The following CDIP1 variants were observed in gnomAD, a reference collection of about 807,000 sequenced individuals.
The protein encoded by CDIP1 is cell death inducing p53 target 1, also known as cell death-inducing p53-target protein 1.
Under a neutral mutation model 17.7 loss-of-function variants are expected in CDIP1, and 9 were observed. The ratio of observed to expected loss-of-function variants is 0.51; its 90% CI spans 0.31 to 0.89. The LOEUF is 0.89. CDIP1 is among the 40% of genes least tolerant of loss of function. The probability of loss-of-function intolerance (pLI) is 0.05; values close to 1 mark genes in which losing one functional copy is unlikely to be tolerated. For synonymous variants in CDIP1, 117 were observed against 109.5 expected (o/e 1.07, Z -0.43); for missense variants, 263 against 277.9 (o/e 0.95, Z 0.38).
At chr16:4,517,023 C>T (rs1277362916) in intron 1 of CDIP1, among the ~76,000 whole-genome samples, 1 of 152,126 alleles carries the variant, frequency 6.6e-6, no homozygotes, top group African/African-American at 2.4e-5. Context: ...TGACCAAACC[C>T]TATTAAGACA....
Position 4,513,899 on chromosome 16 carries a change from C to T in CDIP1, c.86-48G>A, listed in dbSNP as rs145183689. On this transcript the variant is annotated intron_variant, in intron 3 of 5. Transcript: ENST00000567695. The surrounding 1 kb of genome is among the most constrained non-coding windows in gnomAD (Gnocchi z 4.1). ...AGGAGACTGAGCTGGAGCCTCTGCACGATGAGCTCGACCAGAGGCCACTGT... is the reference window on the plus strand; with the variant it reads ...AGGAGACTGAGCTGGAGCCTCTGCATGATGAGCTCGACCAGAGGCCACTGT... 495 of 1,504,362 alleles carry T rather than the reference C, an allele frequency of 3.3e-4. 5 individuals carry two copies. The African/African-American group carries it at 5.9e-3, about 18-fold the overall frequency. 93.2% of individuals were successfully genotyped at this position (1,504,362 alleles called of 1,614,324 possible).
At position 4,513,828 on chromosome 16, in the gene CDIP1, G is replaced by C. The variant is rs1387620364; in HGVS notation, c.109C>G (p.Gln37Glu). 6.3e-7 allele frequency: 1 copy of C among 1,589,320 alleles called. No homozygotes were observed. Among genetic ancestry groups the C allele is most frequent in the East Asian group, 2.2e-5 (1 of 44,498 alleles). The stretch of plus-strand genomic sequence containing the variant: ...GGCAGTGGCATGCCTGGAGGGGGCT[G>C]CATCACAGCTGGGGAGGAACGGCCT... ...TPGRSSPAVM[Q>E]PPPGMPLPPA... Residue 37 changes from glutamine to glutamate, a missense_variant, in exon 4 of 6, where the codon CAG becomes GAG. Physicochemically the swap from Gln to Glu is conservative, Grantham distance 29 (BLOSUM62 2). Coordinates refer to ENST00000567695, the MANE Select transcript of CDIP1 (RefSeq NM_013399.3). This position sits in a 1 kb window ranked among gnomAD's most constrained non-coding sequence, Gnocchi z 4.1.
In CDIP1 at chr16:4,512,990, G is replaced by T. The variant is rs200612143; in HGVS notation, c.316C>A (p.Pro106Thr). 18 of 1,590,214 alleles carry T rather than the reference G, an allele frequency of 1.1e-5. No homozygotes were observed. The highest frequency in any genetic ancestry group is 2.7e-5 in the African/African-American group (2 of 74,884). The change falls in exon 5 of 6, where the codon CCT becomes ACT. Residue 106 changes from proline (P) to threonine (T), a missense_variant. By Grantham distance (38) the Pro-to-Thr change is conservative. Coordinates refer to ENST00000567695, the MANE Select transcript of CDIP1 (RefSeq NM_013399.3). This position sits in a 1 kb window ranked among gnomAD's most constrained non-coding sequence, Gnocchi z 4.6. ...GTGGCTGTGTGGCCCCCAGGGCCAG[G>T]GTAGGGCCCTGGCGTGTAGGGCCCT... ...PPGPYTPGPY[P>T]GPGGHTATVL... is the part of the protein sequence containing the mutation.
In CDIP1 at chr16:4,511,953, G is replaced by A. The variant is rs2058834586; in HGVS notation, c.*619C>T. 6.5e-6 allele frequency: 1 copy of A among 154,602 alleles called. No homozygotes were observed. The allele number at this position is 154,602 out of a possible 1,614,324, so 9.6% of individuals were successfully genotyped here. A position where few individuals can be genotyped will look rare whatever the true frequency, so the allele number is the denominator to read the frequency against. ...GACACCAGGCAGCTCTCGGGCACTG[G>A]GACAGGGTATTAGACATCCTGGGCT... On this transcript the variant is annotated 3_prime_UTR_variant, in exon 6 of 6. Coordinates refer to ENST00000567695, the MANE Select transcript of CDIP1 (RefSeq NM_013399.3).
intron 1 of CDIP1, 185 bp downstream of exon 1, chr16:4,538,517 C>T (rs1448888560): frequency 2.0e-5 from 3 of 152,142 alleles, no homozygotes; most frequent in Non-Finnish European, 2.9e-5. Flanking sequence ...CACCACAACC[C>T]GCTCTGAGAG....
Position 4,514,420 on chromosome 16 carries a change from G to A in CDIP1, c.-15+155C>T, listed in dbSNP as rs1043831942. 2.6e-5 allele frequency among the ~76,000 whole-genome samples: 4 copies of A among 152,196 alleles called. No individual in the cohort carries two copies. Among genetic ancestry groups the A allele is most frequent in the African/African-American group, 9.7e-5 (4 of 41,438 alleles). On this transcript the variant is annotated intron_variant, in intron 2 of 5. Transcript: ENST00000567695. This position sits in a 1 kb window ranked among gnomAD's most constrained non-coding sequence, Gnocchi z 5.2. ...GCCCAGTGAGGTAAAGTCCCCCAAG[G>A]AGCCTAACTCAGCACTTGCCCCACA...
At chr16:4,537,853 C>G (rs1031545830) in intron 1 of CDIP1, among the ~76,000 whole-genome samples, 1 of 152,230 alleles carries the variant, frequency 6.6e-6, no homozygotes, top group African/African-American at 2.4e-5. Context: ...CCAAGGTCCT[C>G]GAAGGCGCGA....
At chr16:4,532,077 T>C (rs1288339500) in intron 1 of CDIP1, 1 of 152,212 alleles carries the variant, frequency 6.6e-6, no homozygotes, top group African/African-American at 2.4e-5. Flanking sequence ...TAGTTGACTT[T>C]AGAACCTAAC....
intron 1 of CDIP1, among the ~76,000 whole-genome samples, chr16:4,521,606 T>G (rs1386669842): frequency 6.6e-6 from 1 of 150,608 alleles, no homozygotes; most frequent in Non-Finnish European, 1.5e-5. Context: ...CTCAGGCCTG[T>G]AATTCCAGCA....
chr16:4,514,184 C>G lies in CDIP1; in HGVS notation c.-14-40G>C, dbSNP rs996802723. 2 of 1,204,668 alleles carry G rather than the reference C, an allele frequency of 1.7e-6. No homozygotes were observed. The highest frequency in any genetic ancestry group is 2.3e-6 in the Non-Finnish European group (2 of 868,994). The allele number at this position is 1,204,668 out of a possible 1,614,324, so 74.6% of individuals were successfully genotyped here. ...AAAACCCAGACATGAACTAAGCTCC[C>G]AGCCAGGTTCCTTCTCCTTCAGCCC... On this transcript the variant is annotated intron_variant, in intron 2 of 5. Transcript: ENST00000567695. This position sits in a 1 kb window ranked among gnomAD's most constrained non-coding sequence, Gnocchi z 5.2.
chr16:4,511,056 G>A lies in CDIP1; in HGVS notation c.*1516C>T, dbSNP rs2058822584. On this transcript the variant is annotated 3_prime_UTR_variant, in exon 6 of 6. Transcript: ENST00000567695. ...ATGGTTGAAACCAGCATCAGAGGAA[G>A]GAAGGTGACCTTACAGCCACTGCCG... 6.6e-6 allele frequency: 1 copy of A among 152,280 alleles called. No homozygotes were observed. The highest frequency in any genetic ancestry group is 6.5e-5 in the Admixed American group (1 of 15,276). 9.4% of individuals were successfully genotyped at this position (152,280 alleles called of 1,614,324 possible).
Position 4,513,977 on chromosome 16 carries a change from A to ATT in CDIP1, c.85+68_85+69insAA, listed in dbSNP as rs1348901308. On this transcript the variant is annotated intron_variant, in intron 3 of 5. Transcript: ENST00000567695. The surrounding 1 kb of genome is among the most constrained non-coding windows in gnomAD (Gnocchi z 4.1). ...AACCCTGGAGTGGGCATCACCACTT[A>ATT]GAGAGTCCCAACCATGCCATGGCGG... The ATT allele has an allele frequency of 2.3e-6, 3 of 1,332,682 alleles. No homozygotes were observed. Among genetic ancestry groups the ATT allele is most frequent in the Admixed American group, 5.1e-5 (2 of 39,128 alleles). The allele number at this position is 1,332,682 out of a possible 1,614,324, so 82.6% of individuals were successfully genotyped here. A position where few individuals can be genotyped will look rare whatever the true frequency, so the allele number is the denominator to read the frequency against.
intron 1 of CDIP1, among the ~76,000 whole-genome samples, chr16:4,533,868 T>C (rs1479865415): frequency 6.6e-6 from 1 of 152,192 alleles, no homozygotes; most frequent in African/African-American, 2.4e-5. Context: ...CTTGTATTGT[T>C]GGGCCCTGCT....
intron 1 of CDIP1, among the ~76,000 whole-genome samples, chr16:4,535,729 C>A (rs1397145021): frequency 6.6e-6 from 1 of 152,232 alleles, no homozygotes; most frequent in Non-Finnish European, 1.5e-5. Context: ...CCATCAGGCC[C>A]ACGGGTTCAG....
chr16:4,521,867 AAG>A (rs1188610273), intron 1 of CDIP1, among the ~76,000 whole-genome samples: 2 of 152,144 alleles, frequency 1.3e-5, no homozygotes, highest in Non-Finnish European at 2.9e-5. Flanking sequence ...AGTGAGGTTG[AAG>A]AGAGACTGTG....
chr16:4,517,361 C>T (rs962789004), intron 1 of CDIP1, among the ~76,000 whole-genome samples: 1 of 152,076 alleles, frequency 6.6e-6, no homozygotes, highest in Non-Finnish European at 1.5e-5. Flanking sequence ...AAGGATGGGG[C>T]GGGGCATAAG....
chr16:4,531,832 C>G (rs895433446), intron 1 of CDIP1, among the ~76,000 whole-genome samples: 2 of 152,252 alleles, frequency 1.3e-5, no homozygotes, highest in African/African-American at 4.8e-5. Flanking sequence ...CACAGTGTAG[C>G]TCACACAGTG....
At chr16:4,530,882 A>G (rs1448953739) in intron 1 of CDIP1, among the ~76,000 whole-genome samples, 1 of 152,152 alleles carries the variant, frequency 6.6e-6, no homozygotes, top group African/African-American at 2.4e-5. Flanking sequence ...TTAGGTTGGT[A>G]CAAAAGTAAT....
intron 1 of CDIP1, among the ~76,000 whole-genome samples, chr16:4,518,663 C>T (rs1258901511): frequency 6.6e-6 from 1 of 152,212 alleles, no homozygotes; most frequent in Non-Finnish European, 1.5e-5. Context: ...ATGAAGATTT[C>T]CCGAATTCAA....
Sources: gnomAD v4.1 joint callset for allele counts (sites outside exome capture counted in the v4.1 genomes callset) on GRCh38, gnomAD v4.1.1 for gene constraint, Gnocchi (gnomAD v3.1) non-coding constraint, MANE v1.5 for transcripts, NCBI Gene and HGNC (gene_info 2026-07-23, HGNC 2026-07-21) for gene names.